EFHB: variants seen among roughly 807,000 people sequenced by gnomAD.
EFHB encodes the protein EF-hand domain family member B, also known as EF-hand domain-containing family member B.
A neutral mutation model predicts 87.2 loss-of-function variants in EFHB; 91 were observed. That is an observed-to-expected ratio of 1.04 (90% CI 0.88 to 1.24). The LOEUF (loss-of-function observed/expected upper bound fraction) is 1.24. Ranked by LOEUF, EFHB falls within the 50% of genes most tolerant of loss-of-function variation. EFHB has a pLI of 0.00. For synonymous variants in EFHB, 325 were observed against 333.6 expected (o/e 0.97, Z 0.28); for missense variants, 1,084 against 998.8 (o/e 1.09, Z -1.15).
chr3:19,908,594 GAGAGAGAAAGAAAGAAAGAAAGAA>G (rs1423001897), intron 5 of EFHB, among the ~76,000 whole-genome samples: 38 of 91,400 alleles, frequency 4.2e-4, no homozygotes, highest in East Asian at 1.9e-3. Context: ...GAGAGAGAGA[GAGAGAGAAAGAAAGAAAGAAAGAA>G]AGAAAGAAAG....
At position 19,896,852 on chromosome 3, in the gene EFHB, G is replaced by C. The variant is rs1197073872; in HGVS notation, c.1571-11C>G. 2 of 1,576,014 alleles carry C rather than the reference G, an allele frequency of 1.3e-6. No homozygotes were observed. The highest frequency in any genetic ancestry group is 1.7e-6 in the Non-Finnish European group (2 of 1,162,144). On this transcript the variant is annotated splice_polypyrimidine_tract_variant and intron_variant, in intron 8 of 12. Coordinates refer to ENST00000295824, the MANE Select transcript of EFHB (RefSeq NM_144715.4). ...TGAGATCACCAACTCCTATTGAAGA[G>C]AGAAAAAACTTTTTACATAAATTTA...
In EFHB at chr3:19,879,783, T is replaced by C. The variant is rs751081458; in HGVS notation, c.2350A>G (p.Ile784Val). ...TCTTCATCAGACAGTTTGACACCAA[T>C]GTTACACAATATCTCTGCAATCTAG... ...KEEIAEILCN[I>V]GVKLSDEEFE... Residue 784 changes from isoleucine to valine, a missense_variant, in exon 13 of 13, where the codon ATT becomes GTT. Coordinates refer to ENST00000295824, the MANE Select transcript of EFHB (RefSeq NM_144715.4). The C allele has an allele frequency of 3.7e-6, 6 of 1,601,896 alleles. No homozygotes were observed. Among genetic ancestry groups the C allele is most frequent in the Middle Eastern group, 1.7e-4 (1 of 6,014 alleles).
In EFHB at chr3:19,934,058, ATCTCT is replaced by A. The variant is rs1695936962; in HGVS notation, c.-45_-41del. ...CATTCTCATTTCTCCAAGAGCGCTCATCTCTAAGGGGAAAGCTGTACCTGGCTACA... is the reference window on the plus strand; with the variant it reads ...CATTCTCATTTCTCCAAGAGCGCTCAAAGGGGAAAGCTGTACCTGGCTACA... On this transcript the variant is annotated 5_prime_UTR_variant, in exon 1 of 13. An upstream start codon of the reference 5' UTR is lost. Transcript: ENST00000295824. The A allele has an allele frequency of 6.5e-7, 1 of 1,545,026 alleles. No individual in the cohort carries two copies. The highest frequency in any genetic ancestry group is 8.7e-7 in the Non-Finnish European group (1 of 1,145,826).
intron 10 of EFHB, among the ~76,000 whole-genome samples, chr3:19,887,512 T>A (rs1201408886): frequency 2.0e-5 from 3 of 152,018 alleles, no homozygotes; most frequent in Admixed American, 2.0e-4. Context: ...TATATGTATA[T>A]CTATATATGT....
At chr3:19,879,900 C>A in intron 12 of EFHB, 96 bp from the exon 13 acceptor site, 1 of 1,255,282 alleles carries the variant, frequency 8.0e-7, no homozygotes, top group South Asian at 1.6e-5. Flanking sequence ...GATATTTTTC[C>A]AAAAAAGTAT....
In EFHB at chr3:19,889,881, G is replaced by A. The variant is rs1258066858; in HGVS notation, c.1726-1230C>T. On this transcript the variant is annotated intron_variant, in intron 9 of 12. Coordinates refer to ENST00000295824, the MANE Select transcript of EFHB (RefSeq NM_144715.4). Reference sequence around the variant, plus strand: ...ACATGCCTGTAATCCCAGCTACTCGGGAGGCTGAGGCAGGAGAATCGCTTG... The same window carrying A: ...ACATGCCTGTAATCCCAGCTACTCGAGAGGCTGAGGCAGGAGAATCGCTTG... Among the ~76,000 whole-genome samples, 3 of 152,168 alleles carry A rather than the reference G, an allele frequency of 2.0e-5. No individual in the cohort carries two copies. The East Asian group carries it at 5.8e-4, about 29-fold the overall frequency.
At chr3:19,893,768 C>T (rs1348598288) in intron 9 of EFHB, among the ~76,000 whole-genome samples, 1 of 152,172 alleles carries the variant, frequency 6.6e-6, no homozygotes, top group African/African-American at 2.4e-5. Context: ...CATTTGCAGT[C>T]ATTCCACAAG....
In EFHB at chr3:19,888,426, C is replaced by T. The variant is rs943852225; in HGVS notation, c.1933+18G>A. ...TTTAAAAAAATAATAATTCATCAAACCTTCAAAAATTAAATACCTTTAATA... is the reference window on the plus strand; with the variant it reads ...TTTAAAAAAATAATAATTCATCAAATCTTCAAAAATTAAATACCTTTAATA... On this transcript the variant is annotated intron_variant, in intron 10 of 12. Transcript: ENST00000295824. 1 of 1,289,636 alleles carries T rather than the reference C, an allele frequency of 7.8e-7. No homozygotes were observed. Among genetic ancestry groups the T allele is most frequent in the Non-Finnish European group, 1.0e-6 (1 of 984,784 alleles). The allele number at this position is 1,289,636 out of a possible 1,614,324, so 79.9% of individuals were successfully genotyped here.
In EFHB at chr3:19,896,678, A is replaced by G; in HGVS notation, c.1725+9T>C. 2 of 1,613,932 alleles carry G rather than the reference A, an allele frequency of 1.2e-6. No individual in the cohort carries two copies. The highest frequency in any genetic ancestry group is 1.1e-5 in the South Asian group (1 of 91,084). ...ATGCATTACCAAAAAGCTCTCCCCC[A>G]TTACTGGCCTTGTCATAGTGCCTGA... On this transcript the variant is annotated intron_variant, in intron 9 of 12. Coordinates refer to ENST00000295824, the MANE Select transcript of EFHB (RefSeq NM_144715.4).
At position 19,882,554 on chromosome 3, in the gene EFHB, T is replaced by A. The variant is rs2071703994; in HGVS notation, c.2324A>T (p.Glu775Val). ...TTGTATGCTTATATGCTATACCTCTTCTTTTGATCTGGTCTTGAAGAAGTC... is the reference window on the plus strand; with the variant it reads ...TTGTATGCTTATATGCTATACCTCTACTTTTGATCTGGTCTTGAAGAAGTC... ...ERDFFKTRSK[E>V]EIAEILCNIG... The change falls in exon 12 of 13, where the codon GAA (glutamate) becomes GTA (valine). Residue 775 changes from glutamate to valine, a missense_variant. Physicochemically the swap from Glu to Val is moderately radical, Grantham distance 121. Coordinates refer to ENST00000295824, the MANE Select transcript of EFHB (RefSeq NM_144715.4). The A allele has an allele frequency of 6.3e-7, 1 of 1,596,844 alleles. No homozygotes were observed. The highest frequency in any genetic ancestry group is 1.3e-5 in the African/African-American group (1 of 74,892).
At chr3:19,902,696 G>C (rs955519045) in intron 6 of EFHB, among the ~76,000 whole-genome samples, 1 of 152,074 alleles carries the variant, frequency 6.6e-6, no homozygotes, top group African/African-American at 2.4e-5. Flanking sequence ...CATAAAAGTT[G>C]AGAGTAAACC....
chr3:19,887,475 TA>T (rs1694147867), intron 10 of EFHB, among the ~76,000 whole-genome samples: 1 of 151,932 alleles, frequency 6.6e-6, no homozygotes, highest in Admixed American at 6.6e-5. Context: ...TAGACATGCT[TA>T]AAATATATAC....
intron 8 of EFHB, 55 bp downstream of exon 8, chr3:19,898,723 G>A (rs1459847867): frequency 6.5e-7 from 1 of 1,539,182 alleles, no homozygotes; most frequent in African/African-American, 1.4e-5. Context: ...TAACTTTGTG[G>A]GGATTTTGTT....
intron 1 of EFHB, among the ~76,000 whole-genome samples, chr3:19,928,603 C>T (rs764081575): frequency 2.0e-5 from 3 of 152,130 alleles, no homozygotes; most frequent in Non-Finnish European, 2.9e-5. Flanking sequence ...TGCCACCACA[C>T]CCAGCTAATT....
At chr3:19,887,841 T>G (rs889664314) in intron 10 of EFHB, among the ~76,000 whole-genome samples, 16 of 152,318 alleles carry the variant, frequency 1.1e-4, no homozygotes, top group Admixed American at 8.5e-4. Context: ...TAATTTTATG[T>G]CAAATTGTGT....
chr3:19,913,554 A>G (rs1211155935), intron 5 of EFHB, among the ~76,000 whole-genome samples: 1 of 152,210 alleles, frequency 6.6e-6, no homozygotes, highest in African/African-American at 2.4e-5. Flanking sequence ...AGGACACCAA[A>G]AAATCAAAAA....
At chr3:19,944,644 T>C (rs1696229896) in intron 1 of EFHB, among the ~76,000 whole-genome samples, 1 of 152,124 alleles carries the variant, frequency 6.6e-6, no homozygotes, top group Admixed American at 6.5e-5. Context: ...AACTGTAAAA[T>C]ATTGTGAAAA....
At chr3:19,923,883 A>C (rs1695523981) in intron 1 of EFHB, among the ~76,000 whole-genome samples, 1 of 152,256 alleles carries the variant, frequency 6.6e-6, no homozygotes, top group African/African-American at 2.4e-5. Context: ...ATAACTCTTT[A>C]GAATTTAAAT....
intron 6 of EFHB, among the ~76,000 whole-genome samples, chr3:19,903,183 A>G (rs1311410412): frequency 6.6e-6 from 1 of 152,104 alleles, no homozygotes; most frequent in African/African-American, 2.4e-5. Context: ...TCTCAAAAAA[A>G]AAAAAAATAC....
Sources: gnomAD v4.1 joint callset for allele counts (sites outside exome capture counted in the v4.1 genomes callset) on GRCh38, gnomAD v4.1.1 for gene constraint, MANE v1.5 for transcripts, NCBI Gene and HGNC (gene_info 2026-07-23, HGNC 2026-07-21) for gene names.